ATRNL1: variants seen among roughly 807,000 people sequenced by gnomAD.
ATRNL1 encodes the protein attractin like 1.
In ATRNL1, 95 loss-of-function variants were observed where a neutral mutation model predicts 182.7. The observed-to-expected ratio is 0.52, with a 90% confidence interval of 0.44 to 0.62. The LOEUF is 0.62. Ranked by LOEUF, ATRNL1 falls within the 20% of genes least tolerant of loss-of-function variation. ATRNL1 has a pLI of 0.00. For synonymous variants in ATRNL1, 576 were observed against 568.3 expected (o/e 1.01, Z -0.19); for missense variants, 1,471 against 1,679.5 (o/e 0.88, Z 2.17).
At chr10:115,277,671 G>A (rs2133914684) in intron 13 of ATRNL1, among the ~76,000 whole-genome samples, 1 of 151,920 alleles carries the variant, frequency 6.6e-6, no homozygotes, top group South Asian at 2.1e-4. Context: ...AGGAAAAGCT[G>A]AGCCAAAAAT....
chr10:115,265,976 A>G (rs1851591784), intron 11 of ATRNL1, among the ~76,000 whole-genome samples: 1 of 151,824 alleles, frequency 6.6e-6, no homozygotes, highest in Non-Finnish European at 1.5e-5. Context: ...CCACAAAATG[A>G]CTTAACCACA....
At chr10:115,626,790 T>C (rs1212160336) in intron 26 of ATRNL1, among the ~76,000 whole-genome samples, 1 of 152,190 alleles carries the variant, frequency 6.6e-6, no homozygotes, top group Non-Finnish European at 1.5e-5. Flanking sequence ...CAAGTTATTG[T>C]ATTATTGTTG....
At chr10:115,738,128 T>TTTTTTTTGTTTTTTTTG (rs1948018207) in intron 27 of ATRNL1, among the ~76,000 whole-genome samples, 9 of 39,730 alleles carry the variant, frequency 2.3e-4, no homozygotes, top group African/African-American at 9.1e-4. Context: ...AGATAATGAT[T>TTTTTTTTGTTTTTTTTG]TTTTTTTTTT....
chr10:115,575,453 T>A (rs1381416854), intron 26 of ATRNL1, among the ~76,000 whole-genome samples: 2 of 152,258 alleles, frequency 1.3e-5, no homozygotes, highest in South Asian at 4.1e-4. Flanking sequence ...ATGTCTGAAA[T>A]TTTAGTGTTG....
At chr10:115,832,962 A>G (rs1950591452) in intron 27 of ATRNL1, among the ~76,000 whole-genome samples, 1 of 152,338 alleles carries the variant, frequency 6.6e-6, no homozygotes, top group Middle Eastern at 3.4e-3. Flanking sequence ...GAAAATGACC[A>G]TCACAAGTAT....
intron 27 of ATRNL1, among the ~76,000 whole-genome samples, chr10:115,770,414 A>G (rs1948961511): frequency 6.6e-6 from 1 of 152,170 alleles, no homozygotes; most frequent in Admixed American, 6.5e-5. Flanking sequence ...TATACTCAAT[A>G]TTTTCTAAGC....
rs201057742 is a variant in ATRNL1, at chr10:115,138,885, C to T, written c.829+9350C>T. On this transcript the variant is annotated intron_variant, in intron 5 of 28. Coordinates refer to ENST00000355044, the MANE Select transcript of ATRNL1 (RefSeq NM_207303.4). ...ATTGTCAGGCTGCACATTTTCCAAACTTTTATGCTGTGTGTCCCTTTTAAA... is the reference window on the plus strand; with the variant it reads ...ATTGTCAGGCTGCACATTTTCCAAATTTTTATGCTGTGTGTCCCTTTTAAA... Among the ~76,000 whole-genome samples, 3 of 152,320 alleles carry T rather than the reference C, an allele frequency of 2.0e-5. No homozygotes were observed. The East Asian group carries it at 5.8e-4, about 29-fold the overall frequency.
intron 26 of ATRNL1, among the ~76,000 whole-genome samples, chr10:115,597,029 A>T (rs1174938756): frequency 6.6e-6 from 1 of 152,194 alleles, no homozygotes; most frequent in Non-Finnish European, 1.5e-5. Flanking sequence ...TTCCTTTGGT[A>T]TTCACAGCTC....
chr10:115,330,632 C>G (rs1855162186), intron 18 of ATRNL1, among the ~76,000 whole-genome samples: 1 of 146,100 alleles, frequency 6.8e-6, no homozygotes, highest in Admixed American at 6.8e-5. Flanking sequence ...CCTGGTAACT[C>G]TCCTGTCAGG....
At chr10:115,401,527 A>G (rs191512610) in intron 20 of ATRNL1, among the ~76,000 whole-genome samples, 1 of 152,312 alleles carries the variant, frequency 6.6e-6, no homozygotes, top group Non-Finnish European at 1.5e-5. Context: ...GATATTCTCA[A>G]ATATGAGCTG....
chr10:115,873,368 T>C (rs1951628318), intron 28 of ATRNL1, among the ~76,000 whole-genome samples: 1 of 152,198 alleles, frequency 6.6e-6, no homozygotes, highest in African/African-American at 2.4e-5. Flanking sequence ...AAGTAAATTT[T>C]AGTAGGATTG....
At chr10:115,102,712 G>A (rs1419957539) in intron 1 of ATRNL1, among the ~76,000 whole-genome samples, 1 of 152,136 alleles carries the variant, frequency 6.6e-6, no homozygotes, top group Non-Finnish European at 1.5e-5. Context: ...CTCCCAAAAT[G>A]CTAAGATTAG....
intron 19 of ATRNL1, among the ~76,000 whole-genome samples, chr10:115,369,577 G>GAT (rs758993911): frequency 6.6e-6 from 1 of 152,020 alleles, no homozygotes; most frequent in Non-Finnish European, 1.5e-5. Flanking sequence ...ATTTTCCTTG[G>GAT]ATATATATAC....
intron 28 of ATRNL1, among the ~76,000 whole-genome samples, chr10:115,902,684 G>A (rs1259785804): frequency 2.0e-5 from 3 of 152,180 alleles, no homozygotes; most frequent in African/African-American, 7.2e-5. Context: ...CTGTTTGTTT[G>A]TATATTGAGG....
At chr10:115,385,364 A>G (rs1221448422) in intron 19 of ATRNL1, among the ~76,000 whole-genome samples, 2 of 152,040 alleles carry the variant, frequency 1.3e-5, no homozygotes, top group Non-Finnish European at 2.9e-5. Context: ...GCTTGTGCGT[A>G]TGAAGTATCT....
chr10:115,837,040 C>G (rs2134326483), intron 27 of ATRNL1, among the ~76,000 whole-genome samples: 2 of 152,236 alleles, frequency 1.3e-5, no homozygotes, highest in South Asian at 4.1e-4. Flanking sequence ...TACCCAGACT[C>G]TGACCATTAA....
intron 27 of ATRNL1, among the ~76,000 whole-genome samples, chr10:115,822,580 A>C (rs1437887863): frequency 9.0e-6 from 1 of 111,676 alleles, no homozygotes; most frequent in Non-Finnish European, 2.3e-5. Flanking sequence ...CAGACACAAT[A>C]AAAAATGATA....
Position 115,374,225 on chromosome 10 carries a change from A to T in ATRNL1, c.3176-20434A>T, listed in dbSNP as rs1857540961. Among the ~76,000 whole-genome samples, 3 of 151,412 alleles carry T rather than the reference A, an allele frequency of 2.0e-5. No individual in the cohort carries two copies. In the South Asian group the frequency reaches 6.2e-4, roughly 32 times the overall value. On this transcript the variant is annotated intron_variant, in intron 19 of 28. Transcript: ENST00000355044. ...ACACTTCTTTAATTTTCTTTATATG[A>T]ATCTTTTTTGTGTTTTCTTAGTTTA...
intron 19 of ATRNL1, among the ~76,000 whole-genome samples, chr10:115,355,443 A>G (rs1437630066): frequency 1.3e-5 from 2 of 152,064 alleles, no homozygotes; most frequent in African/African-American, 4.8e-5. Flanking sequence ...TGAAGGGAGA[A>G]TTCCTTTTGT....
Sources: gnomAD v4.1 joint callset for allele counts (sites outside exome capture counted in the v4.1 genomes callset) on GRCh38, gnomAD v4.1.1 for gene constraint, MANE v1.5 for transcripts, NCBI Gene and HGNC (gene_info 2026-07-23, HGNC 2026-07-21) for gene names.